Variants in RNF212 observed in about 807,000 individuals in gnomAD.
RNF212 encodes the protein probable E3 SUMO-protein ligase RNF212.
Under a neutral mutation model 34.7 loss-of-function variants are expected in RNF212, and 33 were observed. The observed-to-expected ratio is 0.95, with a 90% CI of 0.72 to 1.27. RNF212 has a LOEUF of 1.27. Among genes scored for constraint, RNF212 ranks in the 50% most tolerant of loss-of-function variants. The probability of loss-of-function intolerance (pLI) is 0.00; values close to 1 mark genes in which losing one functional copy is unlikely to be tolerated. For missense variants in RNF212, 377 were observed against 362.2 expected, an observed-to-expected ratio of 1.04 and a Z score of -0.33; for synonymous variants, 140 against 136.1, an observed-to-expected ratio of 1.03 and a Z score of -0.20.
At chr4:1,058,828 C>T (rs940976350) in intron 3 of RNF212, among the ~76,000 whole-genome samples, 8 of 152,140 alleles carry the variant, frequency 5.3e-5, no homozygotes, top group South Asian at 2.1e-4. Flanking sequence ...TGTGGGCATG[C>T]GGACTGTGCC....
chr4:1,093,313 T>A (rs1348987826), intron 3 of RNF212: 3 of 962,096 alleles, frequency 3.1e-6, no homozygotes, highest in Non-Finnish European at 4.2e-6. Flanking sequence ...CTGAGACAAA[T>A]CTAAAAGTAT....
chr4:1,109,135 G>C (rs1725273556), intron 1 of RNF212, among the ~76,000 whole-genome samples: 1 of 151,092 alleles, frequency 6.6e-6, no homozygotes, highest in Admixed American at 6.7e-5. Flanking sequence ...AGGCTCCCAA[G>C]TGACTGGGCG....
intron 7 of RNF212, among the ~76,000 whole-genome samples, chr4:1,079,927 G>A (rs547200128): frequency 3.8e-4 from 58 of 152,306 alleles, no homozygotes; most frequent in African/African-American, 1.2e-3. Context: ...TGGCCGGCCC[G>A]CCCTGGTTGG....
At chr4:1,111,981 C>T (rs147745139) in intron 1 of RNF212, among the ~76,000 whole-genome samples, 19 of 152,256 alleles carry the variant, frequency 1.2e-4, no homozygotes, top group African/African-American at 4.1e-4. Flanking sequence ...AGGCCAAGGC[C>T]GGTGATTGTT....
chr4:1,063,722 A>G (rs1560090659), intron 3 of RNF212, among the ~76,000 whole-genome samples: 1 of 151,408 alleles, frequency 6.6e-6, no homozygotes, highest in Non-Finnish European at 1.5e-5. Flanking sequence ...GAAAAAAGAA[A>G]AATTAGCCAG....
At chr4:1,066,805 A>C (rs1648601660), downstream of RNF212, among the ~76,000 whole-genome samples, 1 of 151,908 alleles carries the variant, frequency 6.6e-6, no homozygotes, top group African/African-American at 2.4e-5. Flanking sequence ...AATTTTCATG[A>C]GGTCAATTTG....
intron 3 of RNF212, chr4:1,096,548 T>A: frequency 1.7e-6 from 1 of 587,054 alleles, no homozygotes; most frequent in East Asian, 3.0e-5. Flanking sequence ...ATAGTGCACC[T>A]GGCTCATCAC....
intron 2 of RNF212, among the ~76,000 whole-genome samples, chr4:1,103,665 T>C (rs1724376073): frequency 1.3e-5 from 2 of 152,196 alleles, no homozygotes; most frequent in Non-Finnish European, 2.9e-5. Flanking sequence ...TCGACAGCTA[T>C]AGAATAAGCT....
At chr4:1,081,140 C>CG (rs908282792) in intron 7 of RNF212, among the ~76,000 whole-genome samples, 20 of 152,196 alleles carry the variant, frequency 1.3e-4, no homozygotes, top group East Asian at 3.9e-4. Flanking sequence ...GCCAGTTGAG[C>CG]GGGGGGCACG....
At chr4:1,098,883 T>C (rs898818111) in intron 2 of RNF212, among the ~76,000 whole-genome samples, 2 of 152,166 alleles carry the variant, frequency 1.3e-5, no homozygotes, top group Non-Finnish European at 2.9e-5. Context: ...AATACACAGA[T>C]GCCTCAGAGA....
chr4:1,089,425 G>T lies in RNF212; in HGVS notation c.303+1357C>A, dbSNP rs1036151227. ...CCTGTACTCCCATAGTATCTTGGAA[G>T]TCATTAACTTGTTTTTGATTCTACA... On this transcript the variant is annotated intron_variant, in intron 4 of 9. Transcript: ENST00000433731. Among the ~76,000 whole-genome samples the T allele has an allele frequency of 2.0e-5, 3 of 152,236 alleles. No individual in the cohort carries two copies. The South Asian group carries it at 6.2e-4, about 32-fold the overall frequency.
In RNF212 at chr4:1,102,897, T is replaced by C. The variant is rs530794013; in HGVS notation, c.171+5446A>G. Reference sequence around the variant, plus strand: ...TGGCTCACACCTGTAATCCCAGCACTTTGGGAGGCCGAGGCGGGTGGATCA... The same window carrying C: ...TGGCTCACACCTGTAATCCCAGCACCTTGGGAGGCCGAGGCGGGTGGATCA... On this transcript the variant is annotated intron_variant, in intron 2 of 9. Coordinates refer to ENST00000433731, the MANE Select transcript of RNF212 (RefSeq NM_001131034.4). 4.0e-5 allele frequency among the ~76,000 whole-genome samples: 6 copies of C among 151,088 alleles called. No individual in the cohort carries two copies. The South Asian group carries it at 6.3e-4, about 16-fold the overall frequency.
chr4:1,098,380 AGCT>A (rs1474512221), intron 2 of RNF212, among the ~76,000 whole-genome samples: 1 of 152,258 alleles, frequency 6.6e-6, no homozygotes. Context: ...TTAAGGCACC[AGCT>A]CCAAAGCCTG....
chr4:1,099,373 A>T, intron 2 of RNF212, among the ~76,000 whole-genome samples: 1 of 152,222 alleles, frequency 6.6e-6, no homozygotes, highest in East Asian at 1.9e-4. Context: ...AGAAGCACAG[A>T]GATTCGGGAG....
At chr4:1,095,231 G>A (rs1385472013) in intron 3 of RNF212, among the ~76,000 whole-genome samples, 2 of 102,604 alleles carry the variant, frequency 1.9e-5, no homozygotes, top group Non-Finnish European at 1.9e-5. Flanking sequence ...ACAGCTCCAT[G>A]GTCTCGGGAT....
At chr4:1,083,038 G>A (rs1055819678) in intron 5 of RNF212, among the ~76,000 whole-genome samples, 6 of 152,208 alleles carry the variant, frequency 3.9e-5, no homozygotes, top group African/African-American at 9.7e-5. Context: ...GGTCTGGGGC[G>A]GGTCAGCTGG....
chr4:1,072,584 C>G lies in RNF212; in HGVS notation c.*290G>C. On this transcript the variant is annotated 3_prime_UTR_variant, in exon 10 of 10. Transcript: ENST00000433731. The stretch of plus-strand genomic sequence containing the variant: ...CTGCTCTAAGAAAAAGTTTTAAAAA[C>G]CACCCAGTTAGAAAAAAATGATTTA... 1.1e-6 allele frequency: 1 copy of G among 907,042 alleles called. No homozygotes were observed. The highest frequency in any genetic ancestry group is 1.4e-6 in the Non-Finnish European group (1 of 731,416). The allele number at this position is 907,042 out of a possible 1,614,324, so 56.2% of individuals were successfully genotyped here.
chr4:1,078,443 G>A (rs754263150), intron 8 of RNF212, among the ~76,000 whole-genome samples: 9 of 152,216 alleles, frequency 5.9e-5, no homozygotes, highest in East Asian at 1.9e-4. Context: ...CAGGACAGAC[G>A]ACGGGAGAGC....
intron 4 of RNF212, among the ~76,000 whole-genome samples, chr4:1,088,938 C>A (rs754350981): frequency 6.6e-6 from 1 of 152,244 alleles, no homozygotes; most frequent in Non-Finnish European, 1.5e-5. Flanking sequence ...TATGGAAATG[C>A]CTGGATGTCC....
Sources: allele counts gnomAD v4.1 joint callset (sites outside exome capture counted in the v4.1 genomes callset), GRCh38; gene constraint gnomAD v4.1.1; transcripts MANE v1.5; gene names NCBI Gene and HGNC (gene_info 2026-07-23, HGNC 2026-07-21).